The following RASGEF1A variants were observed in gnomAD, a reference collection of about 807,000 sequenced individuals.
RASGEF1A encodes ras-GEF domain-containing family member 1A.
A neutral mutation model predicts 56.4 loss-of-function variants in RASGEF1A; 18 were observed. The ratio of observed to expected loss-of-function variants is 0.32; its 90% confidence interval spans 0.22 to 0.47. The LOEUF is 0.47. RASGEF1A is among the 20% of genes least tolerant of loss of function. The pLI is 1.00. For missense variants in RASGEF1A, 422 were observed against 627.1 expected (o/e 0.67, Z 3.49); for synonymous variants, 245 against 242.6 (o/e 1.01, Z -0.09).
intron 1 of RASGEF1A, among the ~76,000 whole-genome samples, chr10:43,216,248 C>T (rs998229802): frequency 6.6e-6 from 1 of 152,192 alleles, no homozygotes; most frequent in Non-Finnish European, 1.5e-5. Flanking sequence ...CCATTGCCAT[C>T]GGTACTCAGG....
intron 1 of RASGEF1A, among the ~76,000 whole-genome samples, chr10:43,237,815 A>T (rs2133215507): frequency 6.6e-6 from 1 of 152,302 alleles, no homozygotes; most frequent in Admixed American, 6.5e-5. Context: ...GCATGGCCCC[A>T]GCACATAGAC....
intron 1 of RASGEF1A, among the ~76,000 whole-genome samples, chr10:43,254,313 A>AC (rs1034676613): frequency 1.4e-4 from 21 of 151,744 alleles, no homozygotes; most frequent in South Asian, 4.2e-4. Context: ...ATGTAGGTAG[A>AC]CCCCCCCAGT....
chr10:43,261,983 T>C (rs566088461), intron 1 of RASGEF1A, among the ~76,000 whole-genome samples: 1 of 152,142 alleles, frequency 6.6e-6, no homozygotes, highest in Non-Finnish European at 1.5e-5. Flanking sequence ...TGGCTGGGCA[T>C]GTCTCCCCAG....
chr10:43,219,220 T>C (rs182665402), intron 1 of RASGEF1A, among the ~76,000 whole-genome samples: 3 of 152,298 alleles, frequency 2.0e-5, no homozygotes, highest in East Asian at 1.9e-4. Context: ...CGCCATCAGA[T>C]TCTGCAGGGG....
At chr10:43,228,830 C>G (rs1840317610) in intron 1 of RASGEF1A, among the ~76,000 whole-genome samples, 1 of 152,218 alleles carries the variant, frequency 6.6e-6, no homozygotes, top group Non-Finnish European at 1.5e-5. Flanking sequence ...CCTGCTGAAC[C>G]GCAGTGCCTG....
chr10:43,206,225 G>A (rs1367717909), intron 1 of RASGEF1A, 103 bp from the exon 2 acceptor site: 1 of 993,956 alleles, frequency 1.0e-6, no homozygotes, highest in Non-Finnish European at 1.5e-6. Flanking sequence ...GTGCAGGGGT[G>A]CGTGGCAGGG....
intron 9 of RASGEF1A, 98 bp from the exon 10 acceptor site, chr10:43,198,293 A>G (rs1839833641): frequency 1.8e-6 from 2 of 1,123,032 alleles, no homozygotes; most frequent in Admixed American, 2.8e-5. Flanking sequence ...CAGACAGAGA[A>G]GGCACCTGGC....
intron 3 of RASGEF1A, 124 bp downstream of exon 3, chr10:43,203,174 A>G: frequency 2.8e-6 from 1 of 362,942 alleles, no homozygotes; most frequent in Non-Finnish European, 3.6e-6. Context: ...GCCAAGCCCC[A>G]ACTCTAGCCC....
chr10:43,216,253 CT>C (rs1840135401), intron 1 of RASGEF1A, among the ~76,000 whole-genome samples: 1 of 152,202 alleles, frequency 6.6e-6, no homozygotes, highest in South Asian at 2.1e-4. Context: ...GCCATCGGTA[CT>C]CAGGGTCTAT....
intron 3 of RASGEF1A, among the ~76,000 whole-genome samples, chr10:43,202,475 G>A (rs1839915768): frequency 6.6e-6 from 1 of 152,144 alleles, no homozygotes; most frequent in Non-Finnish European, 1.5e-5. Context: ...CCTCTCGGAA[G>A]ATGCCCGCGC....
chr10:43,210,401 G>A (rs1488951702), intron 1 of RASGEF1A, among the ~76,000 whole-genome samples: 1 of 152,204 alleles, frequency 6.6e-6, no homozygotes, highest in Admixed American at 6.5e-5. Context: ...TTGAGCCCAG[G>A]AGGTTGAGGC....
intron 1 of RASGEF1A, among the ~76,000 whole-genome samples, chr10:43,238,165 G>GC (rs551320806): frequency 0.067 from 2,646 of 39,304 alleles, 74 homozygotes; most frequent in African/African-American, 0.23. Context: ...AGTAACACCT[G>GC]CCCCTCAGGA....
At chr10:43,254,072 C>T (rs1245319327) in intron 1 of RASGEF1A, among the ~76,000 whole-genome samples, 1 of 152,206 alleles carries the variant, frequency 6.6e-6, no homozygotes, top group Non-Finnish European at 1.5e-5. Context: ...CGGAGACTCA[C>T]ATGCCAGGCC....
At chr10:43,197,155 G>A (rs917288093) in intron 10 of RASGEF1A, 56 bp from the exon 11 acceptor site, 62 of 1,591,092 alleles carry the variant, frequency 3.9e-5, no homozygotes, top group Non-Finnish European at 3.3e-5. Context: ...CCAAACCCTC[G>A]GTCAGGGCAG....
At chr10:43,264,444 G>C (rs957197037) in intron 1 of RASGEF1A, among the ~76,000 whole-genome samples, 5 of 151,424 alleles carry the variant, frequency 3.3e-5, no homozygotes, top group Non-Finnish European at 7.4e-5. Context: ...CAGCCCACCA[G>C]TGCCACTTCA....
chr10:43,200,817 G>A lies in RASGEF1A; in HGVS notation c.531C>T (p.Ser177=). The A allele has an allele frequency of 6.2e-7, 1 of 1,613,942 alleles. No individual in the cohort carries two copies. The highest frequency in any genetic ancestry group is 8.5e-7 in the Non-Finnish European group (1 of 1,180,020). ...GCTTCTCTCGCAGTTCCTGGAGCTGGCTCCGGGCAGCCAAGGACAGCAACA... is the reference window on the plus strand; with the variant it reads ...GCTTCTCTCGCAGTTCCTGGAGCTGACTCCGGGCAGCCAAGGACAGCAACA... ...QSLLLSLAAR[S]QLQELREKLR... The change falls in exon 5 of 13, where the codon AGC becomes AGT. Residue 177 remains serine, a synonymous_variant. Transcript: ENST00000395810.
intron 1 of RASGEF1A, chr10:43,208,266 T>G (rs1588932393): frequency 1.0e-6 from 1 of 985,460 alleles, no homozygotes. Flanking sequence ...CACTGGCCTC[T>G]CCCACTGCAG....
chr10:43,230,513 C>G (rs1001994222), intron 1 of RASGEF1A, among the ~76,000 whole-genome samples: 7 of 152,172 alleles, frequency 4.6e-5, no homozygotes, highest in African/African-American at 1.7e-4. Flanking sequence ...AGCGCCCTCT[C>G]TGGGGGTCTG....
rs1407173232 is a variant in RASGEF1A at position 43,225,256 on chromosome 10, GTGGGGGGGGGGTCTC to G, written c.-6-19149_-6-19135del. 2.2e-4 allele frequency among the ~76,000 whole-genome samples: 6 copies of G among 27,646 alleles called. No homozygotes were observed. The East Asian group carries it at 7.5e-3, about 35-fold the overall frequency. The allele number at this position is 27,646 out of a possible 152,430, so 18.1% of individuals were successfully genotyped here. A position where few individuals can be genotyped will look rare whatever the true frequency, so the allele number is the denominator to read the frequency against. ...TGTGCATGTCTGTGTGTGGGGGTCT[GTGGGGGGGGGGTCTC>G]TGTGTCTGTGTGTTTCTGTGTGTCT... On this transcript the variant is annotated intron_variant, in intron 1 of 12. Coordinates refer to ENST00000395810, the MANE Select transcript of RASGEF1A (RefSeq NM_145313.4).
Sources: allele counts gnomAD v4.1 joint callset (sites outside exome capture counted in the v4.1 genomes callset), GRCh38; gene constraint gnomAD v4.1.1; transcripts MANE v1.5; gene names NCBI Gene and HGNC (gene_info 2026-07-23, HGNC 2026-07-21).